The following AGBL1 variants were observed in gnomAD, a reference collection of about 807,000 sequenced individuals.
AGBL1 encodes the protein AGBL carboxypeptidase 1.
Under a neutral mutation model 118.9 loss-of-function variants are expected in AGBL1, and 130 were observed. The ratio of observed to expected loss-of-function variants is 1.09; its 90% CI spans 0.95 to 1.26. AGBL1 has a LOEUF of 1.26. Ranked by LOEUF, AGBL1 falls within the 50% of genes most tolerant of loss-of-function variation. The pLI is 0.00. For missense variants in AGBL1, 1,584 were observed against 1,298.1 expected (o/e 1.22, Z -3.38); for synonymous variants, 555 against 478.9 (o/e 1.16, Z -2.08).
intron 22 of AGBL1, among the ~76,000 whole-genome samples, chr15:86,825,060 AC>A (rs1184501917): frequency 6.6e-6 from 1 of 152,068 alleles, no homozygotes; most frequent in African/African-American, 2.4e-5. Context: ...CTGTCTCAAA[AC>A]AAAAACAAAC....
chr15:86,627,925 T>C (rs2084911572), intron 21 of AGBL1, among the ~76,000 whole-genome samples: 1 of 152,232 alleles, frequency 6.6e-6, no homozygotes, highest in East Asian at 1.9e-4. Context: ...CACAGCGTCC[T>C]GCCCATCAAA....
chr15:86,277,970 G>A (rs774227933), intron 15 of AGBL1, among the ~76,000 whole-genome samples: 1 of 152,212 alleles, frequency 6.6e-6, no homozygotes, highest in Non-Finnish European at 1.5e-5. Flanking sequence ...AGCATTTGTT[G>A]TTCAGCAAGG....
At chr15:86,644,953 G>A (rs912766219) in intron 21 of AGBL1, among the ~76,000 whole-genome samples, 12 of 152,130 alleles carry the variant, frequency 7.9e-5, no homozygotes, top group South Asian at 2.1e-4. Context: ...CCGAGGAGGC[G>A]GAGGTTGCAG....
At chr15:86,776,748 ATATGTGTG>A (rs2078260752) in intron 22 of AGBL1, among the ~76,000 whole-genome samples, 3 of 106,508 alleles carry the variant, frequency 2.8e-5, no homozygotes, top group African/African-American at 1.5e-4. Flanking sequence ...TTATATATAT[ATATGTGTG>A]TGTGTGTGTG....
chr15:86,410,820 AT>A (rs1596080360), intron 18 of AGBL1, among the ~76,000 whole-genome samples: 2 of 91,286 alleles, frequency 2.2e-5, no homozygotes, highest in African/African-American at 5.2e-5. Flanking sequence ...ATATATATAT[AT>A]ATATATATAT....
rs2077609963 is a variant in AGBL1 at position 86,736,886 on chromosome 15, T to C, written c.3158+62450T>C. 2.6e-5 allele frequency among the ~76,000 whole-genome samples: 4 copies of C among 152,212 alleles called. No homozygotes were observed. The South Asian group carries it at 8.3e-4, about 32-fold the overall frequency. On this transcript the variant is annotated intron_variant, in intron 22 of 22. Coordinates refer to ENST00000614907, the MANE Select transcript of AGBL1 (RefSeq NM_001386094.1). ...CTAGGTCAAGAAAGTATCATGCATT[T>C]GGAATCCTCACGTATTATGTTTGAT...
At chr15:86,588,971 C>A (rs1487243657) in intron 21 of AGBL1, among the ~76,000 whole-genome samples, 2 of 152,022 alleles carry the variant, frequency 1.3e-5, no homozygotes, top group African/African-American at 2.4e-5. Context: ...GTTCATGTAT[C>A]TTTCACAATT....
chr15:86,682,881 G>C (rs1309829488), intron 22 of AGBL1, among the ~76,000 whole-genome samples: 1 of 152,108 alleles, frequency 6.6e-6, no homozygotes, highest in African/African-American at 2.4e-5. Flanking sequence ...ATAATCCCAT[G>C]TAGTAGATGC....
chr15:86,257,059 T>C (rs183175297), intron 8 of AGBL1, 41 bp downstream of exon 8: 147 of 1,580,564 alleles, frequency 9.3e-5, no homozygotes, highest in Non-Finnish European at 1.2e-4. Flanking sequence ...GATGAGTTTT[T>C]GCATTTTGAC....
chr15:86,264,958 T>C (rs2079050280), intron 11 of AGBL1, 120 bp downstream of exon 11: 2 of 1,016,892 alleles, frequency 2.0e-6, no homozygotes, highest in South Asian at 2.2e-5. Context: ...CAGGAACATG[T>C]CAAAGCCTGT....
At chr15:86,142,893 A>G (rs1460027919) in intron 2 of AGBL1, among the ~76,000 whole-genome samples, 2 of 152,226 alleles carry the variant, frequency 1.3e-5, no homozygotes, top group East Asian at 3.8e-4. Context: ...GGTGGTGATT[A>G]CTTTGCCTCT....
chr15:87,008,065 CT>C (rs1354833550), intron 24 of AGBL1, among the ~76,000 whole-genome samples: 2 of 152,176 alleles, frequency 1.3e-5, no homozygotes, highest in Non-Finnish European at 2.9e-5. Context: ...GTCAACTTGA[CT>C]GGATTAAGAA....
At chr15:86,786,462 G>A (rs2078414491) in intron 22 of AGBL1, among the ~76,000 whole-genome samples, 1 of 152,082 alleles carries the variant, frequency 6.6e-6, no homozygotes, top group African/African-American at 2.4e-5. Context: ...AATATTTAGG[G>A]CATATTTATG....
At chr15:86,767,847 C>T (rs183042366) in intron 22 of AGBL1, among the ~76,000 whole-genome samples, 17 of 152,080 alleles carry the variant, frequency 1.1e-4, no homozygotes, top group Admixed American at 3.3e-4. Context: ...TCTGATAATA[C>T]AAGACATCAC....
In AGBL1 at chr15:86,702,097, A is replaced by C. The variant is rs532078502; in HGVS notation, c.3158+27661A>C. On this transcript the variant is annotated intron_variant, in intron 22 of 22. Transcript: ENST00000614907. ...AACAAATTATCACTAAATCCTATCC[A>C]TAGCTCCAATCCATAGCTCATATTA... 1.7e-3 allele frequency among the ~76,000 whole-genome samples: 265 copies of C among 152,048 alleles called. 4 individuals are homozygous for C. The East Asian group carries it at 0.022, about 13-fold the overall frequency.
intron 7 of AGBL1, among the ~76,000 whole-genome samples, chr15:86,252,023 C>T (rs188503226): frequency 7.2e-5 from 11 of 152,280 alleles, no homozygotes; most frequent in African/African-American, 2.6e-4. Flanking sequence ...TCAAAGTTAC[C>T]TAGAGGAATT....
chr15:86,157,242 A>G (rs1782350099), intron 4 of AGBL1, among the ~76,000 whole-genome samples: 1 of 152,152 alleles, frequency 6.6e-6, no homozygotes, highest in South Asian at 2.1e-4. Flanking sequence ...TGACCTGAAC[A>G]CCAGAGAGCA....
chr15:86,098,787 A>C (rs1408332069), intron 1 of AGBL1, among the ~76,000 whole-genome samples: 1 of 150,350 alleles, frequency 6.7e-6, no homozygotes, highest in East Asian at 2.0e-4. Flanking sequence ...GATTGCTTTG[A>C]CTCTTCAAGC....
intron 22 of AGBL1, among the ~76,000 whole-genome samples, chr15:86,689,605 C>T (rs559207250): frequency 2.6e-4 from 40 of 152,014 alleles, no homozygotes; most frequent in South Asian, 8.3e-4. Flanking sequence ...ATTCAAAATA[C>T]GCTGATTAAT....
Sources: allele counts gnomAD v4.1 joint callset (sites outside exome capture counted in the v4.1 genomes callset), GRCh38; gene constraint gnomAD v4.1.1; transcripts MANE v1.5; gene names NCBI Gene and HGNC (gene_info 2026-07-23, HGNC 2026-07-21).